Variants in SMAD6 observed in about 807,000 individuals in gnomAD.
SMAD6 encodes the protein MAD homolog 6.
Under a neutral mutation model 39.4 loss-of-function variants are expected in SMAD6, and 103 were observed. The observed-to-expected ratio is 2.62, with a 90% confidence interval of 2.23 to 3.08. The LOEUF (loss-of-function observed/expected upper bound fraction) is 3.08, where lower values mean the gene tolerates loss of function less well. Among genes scored for constraint, SMAD6 ranks in the 30% most tolerant of loss-of-function variants. The pLI is 0.00. For synonymous variants in SMAD6, 445 were observed against 353.3 expected (o/e 1.26, Z -2.91); for missense variants, 1,104 against 742.9 (o/e 1.49, Z -5.65).
Position 66,780,990 on chromosome 15 carries a change from C to T in SMAD6, c.953-7C>T. 3.9e-6 allele frequency: 6 copies of T among 1,556,238 alleles called. No individual in the cohort carries two copies. In the South Asian group the frequency reaches 4.6e-5, roughly 12 times the overall value. On this transcript the variant is annotated splice_polypyrimidine_tract_variant and splice_region_variant and intron_variant, in intron 3 of 3. Coordinates refer to ENST00000288840, the MANE Select transcript of SMAD6 (RefSeq NM_005585.5). ...ATAACGCGGCGGTCCCTGTGCTTGT[C>T]CCGCAGACGCCAGCATGTCTCCGGA...
chr15:66,708,617 C>T (rs1450125643), intron 1 of SMAD6: 3 of 420,786 alleles, frequency 7.1e-6, no homozygotes, highest in East Asian at 7.4e-5. Flanking sequence ...AGCACCAAAA[C>T]GTGCTACAAC....
At chr15:66,731,808 G>A (rs999377359) in intron 3 of SMAD6, among the ~76,000 whole-genome samples, 2 of 152,156 alleles carry the variant, frequency 1.3e-5, no homozygotes, top group African/African-American at 4.8e-5. Context: ...GCTTTCCGAA[G>A]TGGTTGTACC....
At chr15:66,728,412 T>C (rs12900701) in intron 3 of SMAD6, among the ~76,000 whole-genome samples, 1 of 151,078 alleles carries the variant, frequency 6.6e-6, no homozygotes, top group African/African-American at 2.4e-5. Context: ...TTTTTTTTTG[T>C]TTTTTGTTTT....
chr15:66,734,455 G>T (rs1427843607), intron 3 of SMAD6, among the ~76,000 whole-genome samples: 1 of 152,206 alleles, frequency 6.6e-6, no homozygotes, highest in Non-Finnish European at 1.5e-5. Context: ...AGCGGAGGTC[G>T]AGGGAGGGGA....
At chr15:66,735,626 G>C (rs1034308032) in intron 3 of SMAD6, among the ~76,000 whole-genome samples, 3 of 152,210 alleles carry the variant, frequency 2.0e-5, no homozygotes, top group African/African-American at 7.2e-5. Context: ...AGGGGAGCAT[G>C]ATGGGGCAGC....
At chr15:66,723,739 G>C (rs1893474874) in intron 3 of SMAD6, among the ~76,000 whole-genome samples, 1 of 152,164 alleles carries the variant, frequency 6.6e-6, no homozygotes, top group Non-Finnish European at 1.5e-5. Flanking sequence ...GGGGAAAAAA[G>C]AATCTACTAC....
chr15:66,744,249 A>G (rs1355700656), intron 3 of SMAD6, among the ~76,000 whole-genome samples: 3 of 152,218 alleles, frequency 2.0e-5, no homozygotes, highest in Admixed American at 1.3e-4. Context: ...ACTTCCTGCC[A>G]GAGGAAGGGA....
At chr15:66,778,710 C>CT (rs1478490490) in intron 3 of SMAD6, among the ~76,000 whole-genome samples, 1 of 152,210 alleles carries the variant, frequency 6.6e-6, no homozygotes. Context: ...GGACAGAACT[C>CT]TATCTGGAGT....
Position 66,781,476 on chromosome 15 carries a change from C to T in SMAD6, c.1432C>T (p.Arg478Trp), listed in dbSNP as rs976407320. 12 of 1,599,642 alleles carry T rather than the reference C, an allele frequency of 7.5e-6. No individual in the cohort carries two copies. The highest frequency in any genetic ancestry group is 3.4e-5 in the Admixed American group (2 of 59,056). ...FAKGWGPCYS[R>W]QFITSCPCWL... ...CAAGGGCTGGGGGCCCTGCTACTCC[C>T]GGCAGTTCATCACCTCCTGCCCCTG... Residue 478 changes from arginine (R) to tryptophan (W), a missense_variant, in exon 4 of 4, where the codon CGG becomes TGG. Transcript: ENST00000288840.
At chr15:66,706,179 C>G (rs1231567766) in intron 1 of SMAD6, 1 of 152,262 alleles carries the variant, frequency 6.6e-6, no homozygotes, top group East Asian at 1.9e-4. Context: ...CAGGCTCTGC[C>G]CAGCTAGTAA....
intron 3 of SMAD6, among the ~76,000 whole-genome samples, chr15:66,736,910 C>T (rs1192217599): frequency 6.6e-6 from 1 of 152,156 alleles, no homozygotes; most frequent in African/African-American, 2.4e-5. Context: ...CCTCATGATC[C>T]ACCCACCTCG....
chr15:66,781,240 G>T lies in SMAD6; in HGVS notation c.1196G>T (p.Gly399Val). 1.2e-6 allele frequency: 2 copies of T among 1,608,684 alleles called. No homozygotes were observed. The highest frequency in any genetic ancestry group is 8.5e-7 in the Non-Finnish European group (1 of 1,179,596). ...FGILLSKEPD[G>V]VWAYNRGEHP... ...ATCCTGCTCAGCAAGGAGCCCGACG[G>T]CGTGTGGGCCTACAACCGCGGCGAG... The change falls in exon 4 of 4, where the codon GGC (glycine) becomes GTC (valine). Residue 399 changes from glycine (G) to valine (V), a missense_variant. Gly to Val is a moderately radical substitution (Grantham distance 109). Transcript: ENST00000288840.
At chr15:66,778,252 T>A in intron 3 of SMAD6, among the ~76,000 whole-genome samples, 1 of 152,096 alleles carries the variant, frequency 6.6e-6, no homozygotes, top group East Asian at 1.9e-4. Flanking sequence ...ACCTAATTTT[T>A]AAAAGTTTTT....
chr15:66,708,891 A>G (rs990817368), intron 1 of SMAD6, among the ~76,000 whole-genome samples: 2 of 152,234 alleles, frequency 1.3e-5, no homozygotes, highest in Non-Finnish European at 2.9e-5. Flanking sequence ...AAACCACTGA[A>G]TGGTATATTT....
At chr15:66,708,354 C>A (rs952014250) in intron 1 of SMAD6, 3 of 175,630 alleles carry the variant, frequency 1.7e-5, no homozygotes, top group Non-Finnish European at 3.7e-5. Flanking sequence ...TGGTCTCACC[C>A]ACCAAGTGTC....
At position 66,730,252 on chromosome 15, in the gene SMAD6, G is replaced by A. The variant is rs114554257; in HGVS notation, c.952+13754G>A. Among the ~76,000 whole-genome samples, 933 of 152,300 alleles carry A rather than the reference G, an allele frequency of 6.1e-3. 7 individuals are homozygous for A. Among genetic ancestry groups the A allele is most frequent in the African/African-American group, 0.019 (810 of 41,562 alleles). ...AGGCTGGGTCATTGGGGAGAAGTTG[G>A]GGTAGAGGGATTTGCTGGTTCCTCT... On this transcript the variant is annotated intron_variant, in intron 3 of 3. Transcript: ENST00000288840.
At chr15:66,720,653 A>G (rs1313368457) in intron 3 of SMAD6, among the ~76,000 whole-genome samples, 1 of 152,234 alleles carries the variant, frequency 6.6e-6, no homozygotes, top group East Asian at 1.9e-4. Context: ...CACTTGTAAA[A>G]TGAGGATGAT....
intron 2 of SMAD6, among the ~76,000 whole-genome samples, chr15:66,713,609 C>T (rs944077495): frequency 3.9e-5 from 6 of 152,206 alleles, no homozygotes; most frequent in South Asian, 4.1e-4. Flanking sequence ...TGAGCCACTG[C>T]GCCTGGCTGG....
chr15:66,721,776 CA>C (rs1893437057), intron 3 of SMAD6, among the ~76,000 whole-genome samples: 1 of 152,198 alleles, frequency 6.6e-6, no homozygotes, highest in East Asian at 1.9e-4. Flanking sequence ...ATAAAAGTTA[CA>C]TTGTTTCTGC....
Sources: gnomAD v4.1 joint callset for allele counts (sites outside exome capture counted in the v4.1 genomes callset) on GRCh38, gnomAD v4.1.1 for gene constraint, MANE v1.5 for transcripts, NCBI Gene and HGNC (gene_info 2026-07-23, HGNC 2026-07-21) for gene names.